Variants in NUFIP1 observed in about 807,000 individuals in gnomAD.
NUFIP1 encodes FMR1-interacting protein NUFIP1.
NUFIP1 carries 38 observed loss-of-function variants against 56.2 expected under a neutral mutation model. The observed-to-expected ratio is 0.68, with a 90% CI of 0.52 to 0.89. The LOEUF (loss-of-function observed/expected upper bound fraction) is 0.89. Among genes scored for constraint, NUFIP1 ranks in the 40% least tolerant of loss-of-function variants. NUFIP1 has a pLI of 0.00. For missense variants in NUFIP1, 567 were observed against 605.8 expected (o/e 0.94, Z 0.67); for synonymous variants, 215 against 212.4 (o/e 1.01, Z -0.10).
intron 5 of NUFIP1, among the ~76,000 whole-genome samples, chr13:44,974,688 A>G (rs2137917895): frequency 6.6e-6 from 1 of 152,234 alleles, no homozygotes; most frequent in Non-Finnish European, 1.5e-5. Context: ...AGAGGCTTGG[A>G]CTACAAGTGC....
Position 44,966,211 on chromosome 13 carries a change from C to T in NUFIP1, c.735-275G>A, listed in dbSNP as rs576185311. On this transcript the variant is annotated intron_variant, in intron 5 of 9. Coordinates refer to ENST00000379161, the MANE Select transcript of NUFIP1 (RefSeq NM_012345.3). ...AATCAAATATATCATACAATGTGCT[C>T]AAACTGATTTAATTCATCTATATGG... 4.6e-5 allele frequency among the ~76,000 whole-genome samples: 7 copies of T among 152,272 alleles called. No individual in the cohort carries two copies. In the East Asian group the frequency reaches 1.3e-3, roughly 29 times the overall value.
At position 44,979,264 on chromosome 13, in the gene NUFIP1, C is replaced by T. The variant is rs1872097938; in HGVS notation, c.660G>A (p.Met220Ile). The T allele has an allele frequency of 6.2e-7, 1 of 1,611,624 alleles. No homozygotes were observed. Among genetic ancestry groups the T allele is most frequent in the Non-Finnish European group, 8.5e-7 (1 of 1,179,290 alleles). Residue 220 changes from methionine to isoleucine, a missense_variant and splice_region_variant, in exon 5 of 10, where the codon ATG (methionine) becomes ATA (isoleucine). By Grantham distance (10) the Met-to-Ile change is conservative. Coordinates refer to ENST00000379161, the MANE Select transcript of NUFIP1 (RefSeq NM_012345.3). ...TGATCTTCTTCATGCCAGGAGCATGCATCTAGGGGGAAAAAGCCTGCTGAA... is the reference window on the plus strand; with the variant it reads ...TGATCTTCTTCATGCCAGGAGCATGTATCTAGGGGGAAAAAGCCTGCTGAA... ...EKIVQFHWRN[M>I]HAPGMKKIKL...
chr13:44,980,932 T>C, intron 2 of NUFIP1, 112 bp from the exon 3 acceptor site: 1 of 612,640 alleles, frequency 1.6e-6, no homozygotes, highest in Non-Finnish European at 2.8e-6. Flanking sequence ...AATAACCCTT[T>C]CGTGTGGGAG....
intron 6 of NUFIP1, among the ~76,000 whole-genome samples, chr13:44,964,661 A>T (rs1871537438): frequency 6.6e-6 from 1 of 152,202 alleles, no homozygotes; most frequent in South Asian, 2.1e-4. Flanking sequence ...TTTACCCTGG[A>T]CTATTTAGCA....
At chr13:44,969,928 C>A (rs963882699) in intron 5 of NUFIP1, among the ~76,000 whole-genome samples, 12 of 152,210 alleles carry the variant, frequency 7.9e-5, no homozygotes, top group African/African-American at 2.7e-4. Context: ...TTGTACTTTT[C>A]TTTCTGAACA....
At chr13:44,981,427 T>TC (rs1474350563) in intron 2 of NUFIP1, among the ~76,000 whole-genome samples, 1 of 152,200 alleles carries the variant, frequency 6.6e-6, no homozygotes, top group Non-Finnish European at 1.5e-5. Flanking sequence ...AGACTTCCAG[T>TC]CAATAGTAGA....
intron 8 of NUFIP1, 83 bp downstream of exon 8, chr13:44,949,639 C>T: frequency 1.3e-6 from 1 of 772,600 alleles, no homozygotes; most frequent in East Asian, 2.6e-5. Flanking sequence ...GGATGCACAT[C>T]CTGGATGTTA....
intron 8 of NUFIP1, among the ~76,000 whole-genome samples, chr13:44,945,205 C>T (rs1394791655): frequency 6.6e-6 from 1 of 151,790 alleles, no homozygotes; most frequent in African/African-American, 2.4e-5. Flanking sequence ...ATTATAGATC[C>T]TACAGATATC....
chr13:44,952,504 T>G (rs549441094), intron 7 of NUFIP1, among the ~76,000 whole-genome samples: 7 of 152,358 alleles, frequency 4.6e-5, no homozygotes, highest in Non-Finnish European at 7.4e-5. Context: ...TCTGGAAAAC[T>G]GTATTCTTCA....
intron 7 of NUFIP1, 53 bp downstream of exon 7, chr13:44,959,328 T>C: frequency 1.3e-6 from 2 of 1,495,216 alleles, no homozygotes; most frequent in Non-Finnish European, 1.8e-6. Context: ...ATAATCAACT[T>C]CAGCATCATT....
chr13:44,979,919 C>A lies in NUFIP1; in HGVS notation c.628G>T (p.Glu210Ter). ...PELDCSFTAHEKIVQFHWRNM... is the reference protein window; with the variant it reads ...PELDCSFTAH The stretch of plus-strand genomic sequence containing the variant: ...CTCCAATGGAACTGGACAATCTTCT[C>A]GTGTGCAGTAAAAGAGCAATCTAAT... The change falls in exon 4 of 10, where the codon GAG becomes TAG. Residue 210 changes from glutamate to a stop codon, truncating the protein, a stop_gained. Coordinates refer to ENST00000379161, the MANE Select transcript of NUFIP1 (RefSeq NM_012345.3). LOFTEE classifies it high-confidence loss of function. 1 of 1,603,728 alleles carries A rather than the reference C, an allele frequency of 6.2e-7. No individual in the cohort carries two copies. Among genetic ancestry groups the A allele is most frequent in the South Asian group, 1.1e-5 (1 of 87,718 alleles).
At chr13:44,946,369 C>A (rs1870901776) in intron 8 of NUFIP1, among the ~76,000 whole-genome samples, 1 of 152,024 alleles carries the variant, frequency 6.6e-6, no homozygotes, top group Non-Finnish European at 1.5e-5. Flanking sequence ...CTGAAATAGT[C>A]TTTAATTTGG....
intron 1 of NUFIP1, among the ~76,000 whole-genome samples, chr13:44,986,298 AAAG>A (rs1368273900): frequency 6.6e-6 from 1 of 152,228 alleles, no homozygotes; most frequent in African/African-American, 2.4e-5. Flanking sequence ...CAGGAGTTTG[AAAG>A]AAGAAATTCC....
chr13:44,942,139 C>T (rs1870760863), intron 9 of NUFIP1, among the ~76,000 whole-genome samples: 1 of 152,162 alleles, frequency 6.6e-6, no homozygotes, highest in Non-Finnish European at 1.5e-5. Context: ...AATTCATAAG[C>T]AGTCTAGAAA....
intron 1 of NUFIP1, among the ~76,000 whole-genome samples, chr13:44,986,553 G>A (rs570219201): frequency 8.5e-5 from 13 of 152,172 alleles, no homozygotes; most frequent in South Asian, 2.1e-4. Context: ...TCAGCCGGGC[G>A]TGGTGGTGGG....
chr13:44,945,904 A>C (rs1341130042), intron 8 of NUFIP1, among the ~76,000 whole-genome samples: 4 of 152,116 alleles, frequency 2.6e-5, no homozygotes, highest in Non-Finnish European at 5.9e-5. Flanking sequence ...CAAACATTAC[A>C]TAGGACTGAA....
In NUFIP1 at chr13:44,949,739, G is replaced by A; in HGVS notation, c.1121C>T (p.Ser374Leu). ...LMSSYGSLSG[S>L]ESEPEETPIK... ...TGACTTACCTTCTGGCTCACTCTCT[G>A]ACCCTGAAAGACTGCCATAGCTACT... is the stretch of plus-strand genomic sequence containing the variant. The change falls in exon 8 of 10, where the codon TCA becomes TTA. Residue 374 changes from serine (S) to leucine (L), a missense_variant. Coordinates refer to ENST00000379161, the MANE Select transcript of NUFIP1 (RefSeq NM_012345.3). The A allele has an allele frequency of 6.8e-6, 11 of 1,609,056 alleles. No individual in the cohort carries two copies. Among genetic ancestry groups the A allele is most frequent in the Non-Finnish European group, 9.3e-6 (11 of 1,177,608 alleles).
chr13:44,946,809 A>C (rs1870915253), intron 8 of NUFIP1, among the ~76,000 whole-genome samples: 2 of 152,174 alleles, frequency 1.3e-5, no homozygotes, highest in Non-Finnish European at 2.9e-5. Context: ...TGGTTAAAAG[A>C]CCACTTTGTT....
At chr13:44,986,374 T>C (rs1383003953) in intron 1 of NUFIP1, among the ~76,000 whole-genome samples, 2 of 152,112 alleles carry the variant, frequency 1.3e-5, no homozygotes, top group Non-Finnish European at 2.9e-5. Context: ...TCAGATGTAG[T>C]AGAAACTGCA....
Sources: allele counts gnomAD v4.1 joint callset (sites outside exome capture counted in the v4.1 genomes callset), GRCh38; gene constraint gnomAD v4.1.1; transcripts MANE v1.5; gene names NCBI Gene and HGNC (gene_info 2026-07-23, HGNC 2026-07-21).